CEPT1: variants seen among roughly 807,000 people sequenced by gnomAD.
CEPT1 encodes choline/ethanolamine phosphotransferase 1.
CEPT1 carries 7 observed loss-of-function variants against 42.6 expected under a neutral mutation model. The observed-to-expected ratio is 0.16, with a 90% CI of 0.09 to 0.31. The LOEUF is 0.31. Among genes scored for constraint, CEPT1 ranks in the 10% least tolerant of loss-of-function variants. The pLI is 1.00. For missense variants in CEPT1, 306 were observed against 502.1 expected, an observed-to-expected ratio of 0.61 and a Z score of 3.73; for synonymous variants, 171 against 171.9, an observed-to-expected ratio of 0.99 and a Z score of 0.04.
Position 111,161,195 on chromosome 1 carries a change from G to A in CEPT1, c.528G>A (p.Gly176=), listed in dbSNP as rs753941514. The A allele has an allele frequency of 8.1e-6, 13 of 1,613,924 alleles. 1 individual carries two copies. Among genetic ancestry groups the A allele is most frequent in the African/African-American group, 1.3e-5 (1 of 74,904 alleles). ...VLGTCIAVQL[G]TNPDWMFFCC... ...GAACTTGTATTGCAGTGCAGCTGGG[G>A]ACAAACCCTGATTGGATGTTTTTTT... Residue 176 remains glycine, a synonymous_variant, in exon 4 of 9, where the codon GGG becomes GGA. Coordinates refer to ENST00000357172, the MANE Select transcript of CEPT1 (RefSeq NM_006090.5).
intron 7 of CEPT1, 52 bp from the exon 8 acceptor site, chr1:111,183,410 T>C (rs1325769993): frequency 1.9e-6 from 3 of 1,591,814 alleles, no homozygotes; most frequent in Non-Finnish European, 1.7e-6. Flanking sequence ...TACTGTGTAG[T>C]TCACAATTGT....
chr1:111,150,039 A>T (rs906200595), intron 2 of CEPT1, among the ~76,000 whole-genome samples: 2 of 152,210 alleles, frequency 1.3e-5, no homozygotes, highest in Non-Finnish European at 2.9e-5. Context: ...GATGGTTCAG[A>T]ATGGCTGCTA....
intron 1 of CEPT1, among the ~76,000 whole-genome samples, chr1:111,146,905 A>G (rs952251379): frequency 2.0e-5 from 3 of 151,308 alleles, no homozygotes; most frequent in South Asian, 2.1e-4. Context: ...AATACCGTCT[A>G]TATTCGTTTT....
rs780762917 is a variant in CEPT1, at chr1:111,147,848, G to A, written c.134G>A (p.Arg45Lys). ...CAGTTACCAACACCACCATTGTCAAGACACCAACTAAAGCGGCTAGAAGAA... is the reference window on the plus strand; with the variant it reads ...CAGTTACCAACACCACCATTGTCAAAACACCAACTAAAGCGGCTAGAAGAA... ...LFQLPTPPLSRHQLKRLEEHR... is the reference protein window; with the variant it reads ...LFQLPTPPLSKHQLKRLEEHR... The change falls in exon 2 of 9, where the codon AGA becomes AAA. Residue 45 changes from arginine (R) to lysine (K), a missense_variant. Transcript: ENST00000357172. The A allele has an allele frequency of 5.6e-6, 9 of 1,614,100 alleles. No homozygotes were observed. In the South Asian group the frequency reaches 9.9e-5, roughly 18 times the overall value.
Position 111,147,760 on chromosome 1 carries a change from C to T in CEPT1, c.46C>T (p.Pro16Ser). 5 of 1,613,548 alleles carry T rather than the reference C, an allele frequency of 3.1e-6. No individual in the cohort carries two copies. The highest frequency in any genetic ancestry group is 1.7e-4 in the Middle Eastern group (1 of 6,060). Reference sequence around the variant, plus strand: ...AAGGAAAAGATGTGGAGATTCTCACCCGGAGTCCCCAGTGGGCTTCGGGCA... The same window carrying T: ...AAGGAAAAGATGTGGAGATTCTCACTCGGAGTCCCCAGTGGGCTTCGGGCA... ...STRKRCGDSH[P>S]ESPVGFGHMS... is the part of the protein sequence containing the mutation. The change falls in exon 2 of 9, where the codon CCG becomes TCG. Residue 16 changes from proline to serine, a missense_variant. This residue lies in a region of CEPT1 where 53 missense variants were observed against 54.8 expected (regional missense o/e 0.97). Coordinates refer to ENST00000357172, the MANE Select transcript of CEPT1 (RefSeq NM_006090.5).
rs1657157952 is a variant in CEPT1, at chr1:111,184,463, C to T, written c.*153C>T. On this transcript the variant is annotated 3_prime_UTR_variant, in exon 9 of 9. Transcript: ENST00000357172. The stretch of plus-strand genomic sequence containing the variant: ...TTATTGGTAACACGCCCTAACTATC[C>T]TGTGTGAGAATGGGAATTTCAAGTC... 1 of 540,196 alleles carries T rather than the reference C, an allele frequency of 1.9e-6. No homozygotes were observed. Among genetic ancestry groups the T allele is most frequent in the Non-Finnish European group, 3.0e-6 (1 of 328,198 alleles). 33.5% of individuals were successfully genotyped at this position (540,196 alleles called of 1,614,324 possible).
chr1:111,179,336 C>G (rs768371104), intron 5 of CEPT1: 4 of 152,108 alleles, frequency 2.6e-5, no homozygotes, highest in Non-Finnish European at 5.9e-5. Flanking sequence ...ACACCATGGT[C>G]CAAAGGAATT....
intron 1 of CEPT1, among the ~76,000 whole-genome samples, chr1:111,145,570 G>C (rs912053854): frequency 5.3e-5 from 8 of 152,194 alleles, no homozygotes; most frequent in Non-Finnish European, 1.2e-4. Context: ...ACCAGGCTGT[G>C]GGGTGAGTGT....
intron 5 of CEPT1, 49 bp from the exon 6 acceptor site, chr1:111,182,138 A>G (rs1368431766): frequency 7.0e-7 from 1 of 1,428,624 alleles, no homozygotes; most frequent in Admixed American, 2.3e-5. Flanking sequence ...CTGTTTTCTT[A>G]TTTTAGTTTG....
chr1:111,184,305 C>CA lies in CEPT1; in HGVS notation c.1247dup (p.His416GlnfsTer5). 6.2e-7 allele frequency: 1 copy of CA among 1,610,300 alleles called. No individual in the cohort carries two copies. The highest frequency in any genetic ancestry group is 8.5e-7 in the Non-Finnish European group (1 of 1,177,574). On this transcript the variant is annotated frameshift_variant, in exon 9 of 9. Coordinates refer to ENST00000357172, the MANE Select transcript of CEPT1 (RefSeq NM_006090.5). LOFTEE classifies it high-confidence loss of function. The stretch of plus-strand genomic sequence containing the variant: ...GGTCTCTACAGCTCATTCTAATCAT[C>CA]ATTAATGATGTAATTGGTATATAGG...
At chr1:111,173,367 A>T (rs1294191412) in intron 4 of CEPT1, 1 of 152,138 alleles carries the variant, frequency 6.6e-6, no homozygotes, top group African/African-American at 2.4e-5. Context: ...GCTTCTGTTT[A>T]AAAAACATTC....
chr1:111,184,440 A>G lies in CEPT1; in HGVS notation c.*130A>G, dbSNP rs971319703. On this transcript the variant is annotated 3_prime_UTR_variant, in exon 9 of 9. Coordinates refer to ENST00000357172, the MANE Select transcript of CEPT1 (RefSeq NM_006090.5). ...TGTTGTATAACTTTTATTCTTTATT[A>G]TTGGTAACACGCCCTAACTATCCTG... is the stretch of plus-strand genomic sequence containing the variant. The G allele has an allele frequency of 3.0e-6, 2 of 667,112 alleles. No homozygotes were observed. Among genetic ancestry groups the G allele is most frequent in the South Asian group, 2.6e-5 (1 of 38,940 alleles). The allele number at this position is 667,112 out of a possible 1,614,324, so 41.3% of individuals were successfully genotyped here. A position where few individuals can be genotyped will look rare whatever the true frequency, so the allele number is the denominator to read the frequency against.
chr1:111,176,712 A>T (rs1456977472), intron 5 of CEPT1, among the ~76,000 whole-genome samples: 1 of 152,214 alleles, frequency 6.6e-6, no homozygotes, highest in African/African-American at 2.4e-5. Flanking sequence ...ATTTATTTTC[A>T]TATACACCTT....
At chr1:111,149,266 C>CTTTTTTTT (rs775722606) in intron 2 of CEPT1, among the ~76,000 whole-genome samples, 1 of 127,948 alleles carries the variant, frequency 7.8e-6, no homozygotes, top group African/African-American at 3.2e-5. Context: ...GGTTTCTCCT[C>CTTTTTTTT]TTTTTTTTTT....
chr1:111,151,028 T>G (rs1655240514), intron 2 of CEPT1, among the ~76,000 whole-genome samples: 1 of 152,286 alleles, frequency 6.6e-6, no homozygotes, highest in South Asian at 2.1e-4. Flanking sequence ...AGATTTATTC[T>G]GAGCCAAATA....
intron 1 of CEPT1, among the ~76,000 whole-genome samples, chr1:111,142,191 T>C (rs1456477157): frequency 6.6e-6 from 1 of 152,196 alleles, no homozygotes; most frequent in Admixed American, 6.5e-5. Flanking sequence ...AGTAAAGGTA[T>C]TAATTAAATA....
intron 1 of CEPT1, among the ~76,000 whole-genome samples, chr1:111,146,798 T>G (rs1191759616): frequency 6.6e-6 from 1 of 152,182 alleles, no homozygotes; most frequent in Non-Finnish European, 1.5e-5. Flanking sequence ...ACTTTTACTT[T>G]TTTTCCTTCT....
chr1:111,158,365 TA>T, intron 2 of CEPT1, among the ~76,000 whole-genome samples: 5 of 151,938 alleles, frequency 3.3e-5, no homozygotes, highest in African/African-American at 1.2e-4. Flanking sequence ...AATAAATAAA[TA>T]AATTAATTAA....
intron 7 of CEPT1, 71 bp from the exon 8 acceptor site, chr1:111,183,391 A>G (rs1023733322): frequency 6.5e-7 from 1 of 1,526,878 alleles, no homozygotes; most frequent in Non-Finnish European, 9.0e-7. Flanking sequence ...ATCTGAGCAC[A>G]ATATGATTTA....
Sources: gnomAD v4.1 joint callset for allele counts (sites outside exome capture counted in the v4.1 genomes callset) on GRCh38, gnomAD v4.1.1 for gene constraint, gnomAD v4.1.1 regional missense constraint, MANE v1.5 for transcripts, NCBI Gene and HGNC (gene_info 2026-07-23, HGNC 2026-07-21) for gene names.